POLR2M: variants seen among roughly 807,000 people sequenced by gnomAD.
POLR2M encodes RNA polymerase II subunit M.
In POLR2M, 30 loss-of-function variants were observed where a neutral mutation model predicts 34.6. That is an observed-to-expected ratio of 0.87 (90% CI 0.65 to 1.18). The LOEUF (loss-of-function observed/expected upper bound fraction) is 1.18, where lower values mean the gene tolerates loss of function less well. Ranked by LOEUF, POLR2M falls within the 50% of genes most tolerant of loss-of-function variation. The probability of loss-of-function intolerance (pLI) is 0.00; values close to 1 mark genes in which losing one functional copy is unlikely to be tolerated. For synonymous variants in POLR2M, 150 were observed against 166.7 expected, an observed-to-expected ratio of 0.90 and a Z score of 0.77; for missense variants, 432 against 448.7, an observed-to-expected ratio of 0.96 and a Z score of 0.34.
Position 57,717,348 on chromosome 15 carries a change from C to G in POLR2M, c.*2669C>G, listed in dbSNP as rs1337755952. 1 of 152,128 alleles carries G rather than the reference C, an allele frequency of 6.6e-6. No homozygotes were observed. The highest frequency in any genetic ancestry group is 2.4e-5 in the African/African-American group (1 of 41,440). 9.4% of individuals were successfully genotyped at this position (152,128 alleles called of 1,614,324 possible). A position where few individuals can be genotyped will look rare whatever the true frequency, so the allele number is the denominator to read the frequency against. On this transcript the variant is annotated 3_prime_UTR_variant, in exon 4 of 4. Coordinates refer to ENST00000299638, the MANE Select transcript of POLR2M (RefSeq NM_015532.5). ...ATGGGTAAAGCAACAGCTGTGTAAT[C>G]ACAAACTAGATGCAGAGGAGGTCTT... is the stretch of plus-strand genomic sequence containing the variant.
chr15:57,712,028 G>A lies in POLR2M; in HGVS notation c.803G>A (p.Ser268Asn), dbSNP rs1434907415. 3 of 1,614,074 alleles carry A rather than the reference G, an allele frequency of 1.9e-6. No homozygotes were observed. The highest frequency in any genetic ancestry group is 3.3e-5 in the Admixed American group (2 of 60,026). ...GATTCATCTAGTCATTGCCAGAAGA[G>A]TGGGTCTCCTATTTCCTCAGAAGAG... The part of the protein sequence containing the change: ...QNDSSSHCQK[S>N]GSPISSEERR... Residue 268 changes from serine to asparagine, a missense_variant, in exon 3 of 4, where the codon AGT (serine) becomes AAT (asparagine). Coordinates refer to ENST00000299638, the MANE Select transcript of POLR2M (RefSeq NM_015532.5).
rs751228777 is a variant in POLR2M, at chr15:57,706,852, C to T, written c.10C>T (p.Leu4=). The T allele has an allele frequency of 2.0e-5, 32 of 1,570,122 alleles. No individual in the cohort carries two copies. In the Admixed American group the frequency reaches 5.2e-4, roughly 26 times the overall value. ...CCTCAGCCCGCGCAGAATGTGCTCG[C>T]TGCCCCGCGGCTTCGAGCCCCAAGC... The part of the protein sequence containing the change: MCS[L]PRGFEPQAPE... The change falls in exon 1 of 4, where the codon CTG becomes TTG. Residue 4 remains leucine (L), a synonymous_variant. Coordinates refer to ENST00000299638, the MANE Select transcript of POLR2M (RefSeq NM_015532.5).
chr15:57,709,312 C>G lies in POLR2M; in HGVS notation c.712C>G (p.Arg238Gly). Residue 238 changes from arginine to glycine, a missense_variant, in exon 2 of 4, where the codon CGA (arginine) becomes GGA (glycine). Transcript: ENST00000299638. ...TCATTACATGGAAGTGCTAGAAATG[C>G]GAGCCAAAAACCCAGTGCCCCAGCT... Reference protein sequence around the residue: ...KPHYMEVLEMRAKNPVPQLRK... With the variant: ...KPHYMEVLEMGAKNPVPQLRK... 3 of 1,613,918 alleles carry G rather than the reference C, an allele frequency of 1.9e-6. No homozygotes were observed. Among genetic ancestry groups the G allele is most frequent in the South Asian group, 1.1e-5 (1 of 91,030 alleles).
At position 57,706,884 on chromosome 15, in the gene POLR2M, G is replaced by C. The variant is rs150413697; in HGVS notation, c.42G>C (p.Glu14Asp). Reference sequence around the variant, plus strand: ...GCGGCTTCGAGCCCCAAGCTCCCGAGGACTTGGCGCAGCGGAGTTTGGTGG... The same window carrying C: ...GCGGCTTCGAGCCCCAAGCTCCCGACGACTTGGCGCAGCGGAGTTTGGTGG... Reference protein sequence around the residue: ...LPRGFEPQAPEDLAQRSLVEL... With the variant: ...LPRGFEPQAPDDLAQRSLVEL... The change falls in exon 1 of 4, where the codon GAG becomes GAC. Residue 14 changes from glutamate to aspartate, a missense_variant. Coordinates refer to ENST00000299638, the MANE Select transcript of POLR2M (RefSeq NM_015532.5). 877 of 1,597,330 alleles carry C rather than the reference G, an allele frequency of 5.5e-4. 4 individuals are homozygous for C. In the Middle Eastern group the frequency reaches 6.5e-3, roughly 12 times the overall value.
intron 2 of POLR2M, among the ~76,000 whole-genome samples, chr15:57,709,939 T>G (rs955052431): frequency 3.9e-5 from 6 of 152,216 alleles, no homozygotes; most frequent in African/African-American, 1.4e-4. Flanking sequence ...ATGCTCACTG[T>G]ATGTAAGCAA....
rs1567266132 is a variant in POLR2M at position 57,708,921 on chromosome 15, T to C, written c.321T>C (p.Asp107=). 2 of 1,614,158 alleles carry C rather than the reference T, an allele frequency of 1.2e-6. No individual in the cohort carries two copies. Among genetic ancestry groups the C allele is most frequent in the South Asian group, 1.1e-5 (1 of 91,076 alleles). ...DKAQNSDPIL[D]TSSLVPGCSS... is the part of the protein sequence containing the mutation. ...CCCAGAATTCTGACCCGATACTTGA[T>C]ACTTCATCACTAGTTCCTGGATGTT... is the stretch of plus-strand genomic sequence containing the variant. The change falls in exon 2 of 4, where the codon GAT becomes GAC. Residue 107 remains aspartate, a synonymous_variant. Coordinates refer to ENST00000299638, the MANE Select transcript of POLR2M (RefSeq NM_015532.5).
chr15:57,713,381 GC>G (rs150114944), intron 3 of POLR2M, among the ~76,000 whole-genome samples: 4,861 of 152,134 alleles, frequency 0.032, 87 homozygotes, highest in African/African-American at 0.041. Context: ...GCTCTTAAAT[GC>G]CTGTCCTAAG....
rs1439104636 is a variant in POLR2M at position 57,709,285 on chromosome 15, C to T, written c.685C>T (p.Pro229Ser). 6.2e-7 allele frequency: 1 copy of T among 1,614,192 alleles called. No homozygotes were observed. The highest frequency in any genetic ancestry group is 8.5e-7 in the Non-Finnish European group (1 of 1,180,028). ...TGLSSGTEKK[P>S]HYMEVLEMRA... ...CCTTTCCAGTGGGACTGAGAAGAAA[C>T]CTCATTACATGGAAGTGCTAGAAAT... The change falls in exon 2 of 4, where the codon CCT (proline) becomes TCT (serine). Residue 229 changes from proline to serine, a missense_variant. Physicochemically the swap from Pro to Ser is moderately conservative, Grantham distance 74. Transcript: ENST00000299638.
rs2040948072 is a variant in POLR2M at position 57,716,485 on chromosome 15, T to C, written c.*1806T>C. The C allele has an allele frequency of 6.6e-6, 1 of 152,412 alleles. No individual in the cohort carries two copies. The allele number at this position is 152,412 out of a possible 1,614,324, so 9.4% of individuals were successfully genotyped here. A position where few individuals can be genotyped will look rare whatever the true frequency, so the allele number is the denominator to read the frequency against. ...ATATTACTCACTGCAGAGATCATGT[T>C]CATTTACATTCCCATTAGCAATATA... On this transcript the variant is annotated 3_prime_UTR_variant, in exon 4 of 4. Transcript: ENST00000299638.
Position 57,708,739 on chromosome 15 carries a change from A to G in POLR2M, c.139A>G (p.Lys47Glu). The G allele has an allele frequency of 6.3e-7, 1 of 1,593,494 alleles. No homozygotes were observed. Among genetic ancestry groups the G allele is most frequent in the East Asian group, 2.2e-5 (1 of 44,732 alleles). Reference sequence around the variant, plus strand: ...AAAATTCATTTGCAAATTGCCCGACAAAGGTAAAAAGATCTTTGACTCTTT... The same window carrying G: ...AAAATTCATTTGCAAATTGCCCGACGAAGGTAAAAAGATCTTTGACTCTTT... ...NEKFICKLPD[K>E]GKKIFDSFAK... Residue 47 changes from lysine (K) to glutamate (E), a missense_variant, in exon 2 of 4, where the codon AAA becomes GAA. Physicochemically the swap from Lys to Glu is moderately conservative, Grantham distance 56. Transcript: ENST00000299638.
At chr15:57,707,573 A>G (rs927248485) in intron 1 of POLR2M, 2 of 459,090 alleles carry the variant, frequency 4.4e-6, no homozygotes, top group Non-Finnish European at 8.7e-6. Flanking sequence ...ACTTGTAAGA[A>G]AGTGAGCTAG....
chr15:57,707,370 G>C (rs2040536319), intron 1 of POLR2M: 1 of 700,956 alleles, frequency 1.4e-6, no homozygotes, highest in Admixed American at 2.0e-5. Flanking sequence ...TATGAAGAGG[G>C]GTTTATTAGG....
At chr15:57,710,079 C>T (rs1445253772) in intron 2 of POLR2M, among the ~76,000 whole-genome samples, 1 of 152,136 alleles carries the variant, frequency 6.6e-6, no homozygotes, top group Non-Finnish European at 1.5e-5. Flanking sequence ...ATACCATGTT[C>T]TTCAAGGAGT....
In POLR2M at chr15:57,714,544, A is replaced by G. The variant is rs1378088907; in HGVS notation, c.972A>G (p.Gln324=). ...KQQKQNYEEM[Q]AKLAAQKLAE... ...TGCTCTTTGTTTTAAAGGAGATGCAAGCAAAGCTCGCAGCGCAAAAATTAG... is the reference window on the plus strand; with the variant it reads ...TGCTCTTTGTTTTAAAGGAGATGCAGGCAAAGCTCGCAGCGCAAAAATTAG... The change falls in exon 4 of 4, where the codon CAA becomes CAG. Residue 324 remains glutamine (Q), a synonymous_variant. Transcript: ENST00000299638. 2 of 1,613,664 alleles carry G rather than the reference A, an allele frequency of 1.2e-6. No homozygotes were observed. The highest frequency in any genetic ancestry group is 3.3e-5 in the Admixed American group (2 of 59,854).
Position 57,716,152 on chromosome 15 carries a change from A to C in POLR2M, c.*1473A>C, listed in dbSNP as rs188462802. 1 of 152,356 alleles carries C rather than the reference A, an allele frequency of 6.6e-6. No homozygotes were observed. The highest frequency in any genetic ancestry group is 2.4e-5 in the African/African-American group (1 of 41,582). 9.4% of individuals were successfully genotyped at this position (152,356 alleles called of 1,614,324 possible). A position where few individuals can be genotyped will look rare whatever the true frequency, so the allele number is the denominator to read the frequency against. On this transcript the variant is annotated 3_prime_UTR_variant, in exon 4 of 4. Transcript: ENST00000299638. ...TTTGCTTATTTTTCTATGCATAGTTATGCATTTATATTCTCAAAAATGAAA... is the reference window on the plus strand; with the variant it reads ...TTTGCTTATTTTTCTATGCATAGTTCTGCATTTATATTCTCAAAAATGAAA...
chr15:57,711,761 A>AAAAAT (rs2040726307), intron 2 of POLR2M, among the ~76,000 whole-genome samples: 1 of 150,020 alleles, frequency 6.7e-6, no homozygotes. Context: ...AAAAAAAAAA[A>AAAAAT]CTCCAGATGA....
In POLR2M at chr15:57,706,750, C is replaced by G; in HGVS notation, c.-93C>G. The G allele has an allele frequency of 7.0e-7, 1 of 1,419,524 alleles. No individual in the cohort carries two copies. Among genetic ancestry groups the G allele is most frequent in the Non-Finnish European group, 9.6e-7 (1 of 1,045,200 alleles). The allele number at this position is 1,419,524 out of a possible 1,614,324, so 87.9% of individuals were successfully genotyped here. On this transcript the variant is annotated 5_prime_UTR_variant, in exon 1 of 4. Coordinates refer to ENST00000299638, the MANE Select transcript of POLR2M (RefSeq NM_015532.5). ...AAAATGGCGACTCCCGCTCGTGCCC[C>G]GGAGTCACCGCCGTCCGCGGATCCG... is the stretch of plus-strand genomic sequence containing the variant.
intron 3 of POLR2M, among the ~76,000 whole-genome samples, chr15:57,713,071 G>A (rs1366038375): frequency 6.6e-6 from 1 of 152,050 alleles, no homozygotes; most frequent in Non-Finnish European, 1.5e-5. Flanking sequence ...GCATGCAACT[G>A]TGGTTCCAGC....
rs757799075 is a variant in POLR2M, at chr15:57,712,114, C to A, written c.889C>A (p.His297Asn). ...CACAGCAGCTCGGCTTCTACCACTT[C>A]ACCATATGCCCACGCAGCTGCTCTC... ...DITAARLLPL[H>N]HMPTQLLSIE... Residue 297 changes from histidine to asparagine, a missense_variant, in exon 3 of 4, where the codon CAC becomes AAC. By Grantham distance (68) the His-to-Asn change is moderately conservative. Coordinates refer to ENST00000299638, the MANE Select transcript of POLR2M (RefSeq NM_015532.5). 24 of 1,614,146 alleles carry A rather than the reference C, an allele frequency of 1.5e-5. No individual in the cohort carries two copies. The highest frequency in any genetic ancestry group is 2.0e-5 in the Non-Finnish European group (24 of 1,180,026).
Sources: gnomAD v4.1 joint callset for allele counts (sites outside exome capture counted in the v4.1 genomes callset) on GRCh38, gnomAD v4.1.1 for gene constraint, MANE v1.5 for transcripts, NCBI Gene and HGNC (gene_info 2026-07-23, HGNC 2026-07-21) for gene names.